ZNF362: variants seen among roughly 807,000 people sequenced by gnomAD.
ZNF362 encodes zinc finger protein 362.
In ZNF362, 11 loss-of-function variants were observed where a neutral mutation model predicts 42.9. The ratio of observed to expected loss-of-function variants is 0.26; its 90% CI spans 0.16 to 0.42. The LOEUF is 0.42. Ranked by LOEUF, ZNF362 falls within the 20% of genes least tolerant of loss-of-function variation. The pLI, the probability that ZNF362 is intolerant of heterozygous loss-of-function variation, is 1.00. For missense variants in ZNF362, 362 were observed against 576.2 expected (o/e 0.63, Z 3.81); for synonymous variants, 255 against 257.3 (o/e 0.99, Z 0.09).
At chr1:33,172,308 C>G in the ZNF362 span, among the ~76,000 whole-genome samples, 3 of 152,148 alleles carry the variant, frequency 2.0e-5, no homozygotes, top group Admixed American at 2.0e-4. Context: ...GGCCAGGGTT[C>G]CTTCAAGTCT....
At chr1:33,172,267 G>C in the ZNF362 span, among the ~76,000 whole-genome samples, 2 of 152,194 alleles carry the variant, frequency 1.3e-5, no homozygotes, top group East Asian at 3.8e-4. Context: ...GAAGGAGTTT[G>C]TTTCTGATGG....
chr1:33,267,258 C>T (rs1210281910), intron 1 of ZNF362, among the ~76,000 whole-genome samples: 1 of 152,118 alleles, frequency 6.6e-6, no homozygotes, highest in Non-Finnish European at 1.5e-5. Context: ...GCCTATCGCC[C>T]CATCAGCTGT....
chr1:33,212,308 A>T, the ZNF362 span, among the ~76,000 whole-genome samples: 2 of 152,152 alleles, frequency 1.3e-5, no homozygotes, highest in Non-Finnish European at 2.9e-5. Flanking sequence ...ATCCAGTCCC[A>T]GGTATTTCTT....
At chr1:33,196,818 T>C in the ZNF362 span, among the ~76,000 whole-genome samples, 10 of 152,212 alleles carry the variant, frequency 6.6e-5, no homozygotes, top group Non-Finnish European at 1.5e-4. Context: ...GTGAGTAATA[T>C]ATTGCACTAT....
At chr1:33,193,538 C>T in the ZNF362 span, among the ~76,000 whole-genome samples, 7 of 152,190 alleles carry the variant, frequency 4.6e-5, no homozygotes, top group Admixed American at 3.9e-4. Context: ...GGATAATTCA[C>T]ATGCTGTTTT....
chr1:33,238,718 C>A, the ZNF362 span, among the ~76,000 whole-genome samples: 3 of 152,104 alleles, frequency 2.0e-5, no homozygotes, highest in Non-Finnish European at 4.4e-5. Context: ...TAAATGAGGT[C>A]ATAAGGGTGG....
chr1:33,200,080 A>G, the ZNF362 span: 1 of 152,556 alleles, frequency 6.6e-6, no homozygotes, highest in African/African-American at 2.4e-5. Flanking sequence ...ATCTGACAAC[A>G]ATAGCACAAA....
chr1:33,214,801 A>G, the ZNF362 span, among the ~76,000 whole-genome samples: 1 of 152,172 alleles, frequency 6.6e-6, no homozygotes, highest in African/African-American at 2.4e-5. Context: ...ATGAGATATC[A>G]TCTCACCCCA....
At chr1:33,285,994 C>T (rs1191644889) in intron 6 of ZNF362, among the ~76,000 whole-genome samples, 1 of 152,040 alleles carries the variant, frequency 6.6e-6, no homozygotes, top group African/African-American at 2.4e-5. Flanking sequence ...ACCTGGGAGG[C>T]GGAGGTTGCG....
rs751574009 is a variant in ZNF362 at position 33,280,287 on chromosome 1, T to G, written c.513T>G (p.Pro171=). ...TCATCTCAGGGATCACCAGCCCCCC[T>G]CTCCTGGACTCCATCAAGACAATCC... ...PTLISGITSP[P]LLDSIKTIQG... is the part of the protein sequence containing the mutation. Residue 171 remains proline (P), a synonymous_variant, in exon 5 of 9, where the codon CCT becomes CCG. Coordinates refer to ENST00000539719, the MANE Select transcript of ZNF362 (RefSeq NM_152493.3). The surrounding 1 kb of genome is among the most constrained non-coding windows in gnomAD (Gnocchi z 5.6). The G allele has an allele frequency of 3.7e-6, 6 of 1,613,266 alleles. No individual in the cohort carries two copies. In the East Asian group the frequency reaches 1.3e-4, roughly 36 times the overall value.
At chr1:33,196,042 A>G in the ZNF362 span, 1 of 152,048 alleles carries the variant, frequency 6.6e-6, no homozygotes, top group African/African-American at 2.4e-5. Flanking sequence ...TGTATTTTTT[A>G]AATTATTATT....
the ZNF362 span, among the ~76,000 whole-genome samples, chr1:33,237,207 C>A: frequency 3.9e-5 from 6 of 152,088 alleles, no homozygotes; most frequent in Non-Finnish European, 8.8e-5. Flanking sequence ...TTAATGACTC[C>A]TCCCCCTGCC....
chr1:33,250,274 A>T, the ZNF362 span, among the ~76,000 whole-genome samples: 1 of 152,092 alleles, frequency 6.6e-6, no homozygotes, highest in African/African-American at 2.4e-5. Flanking sequence ...CCCTCTCAAG[A>T]CTACTGTAGG....
intron 2 of ZNF362, among the ~76,000 whole-genome samples, chr1:33,274,020 C>A (rs368711453): frequency 6.6e-6 from 1 of 152,186 alleles, no homozygotes; most frequent in South Asian, 2.1e-4. Context: ...GCCTCCTTAC[C>A]CTGGCTTTAC....
At chr1:33,128,299 C>A in the ZNF362 span, among the ~76,000 whole-genome samples, 1 of 151,798 alleles carries the variant, frequency 6.6e-6, no homozygotes, top group Admixed American at 6.6e-5. Context: ...ATTGCTTGAG[C>A]CTGGGAGGTC....
chr1:33,288,798 CA>C (rs936049715), intron 6 of ZNF362, among the ~76,000 whole-genome samples: 2 of 137,474 alleles, frequency 1.5e-5, no homozygotes, highest in African/African-American at 5.4e-5. Flanking sequence ...GTGGACTTCC[CA>C]TCGCCGCAGA....
the ZNF362 span, among the ~76,000 whole-genome samples, chr1:33,150,233 C>T: frequency 6.6e-6 from 1 of 152,214 alleles, no homozygotes; most frequent in Non-Finnish European, 1.5e-5. Flanking sequence ...GGACATCCAG[C>T]TCTCTGGCTC....
chr1:33,147,593 C>T, the ZNF362 span: 1 of 1,613,854 alleles, frequency 6.2e-7, no homozygotes. The surrounding 1 kb of genome is among the most constrained non-coding windows in gnomAD (Gnocchi z 8.1). Flanking sequence ...AGCACCGACA[C>T]CTCCACATCG....
chr1:33,181,212 C>G, the ZNF362 span: 1 of 1,580,678 alleles, frequency 6.3e-7, no homozygotes, highest in Non-Finnish European at 8.6e-7. This position sits in a 1 kb window ranked among gnomAD's most constrained non-coding sequence, Gnocchi z 6.5. Context: ...GGAGCTGTAG[C>G]GCTCCACGAT....
Sources: allele counts gnomAD v4.1 joint callset (sites outside exome capture counted in the v4.1 genomes callset), GRCh38; gene constraint gnomAD v4.1.1; non-coding constraint Gnocchi (gnomAD v3.1); transcripts MANE v1.5; gene names NCBI Gene and HGNC (gene_info 2026-07-23, HGNC 2026-07-21).